PCDHGC4: variants seen among roughly 807,000 people sequenced by gnomAD.
The protein encoded by PCDHGC4 is protocadherin gamma-C4.
A neutral mutation model predicts 59.7 loss-of-function variants in PCDHGC4; 15 were observed. That is an observed-to-expected ratio of 0.25 (90% CI 0.17 to 0.39). The LOEUF is 0.39. Among genes scored for constraint, PCDHGC4 ranks in the 10% least tolerant of loss-of-function variants. The probability of loss-of-function intolerance (pLI) is 1.00; values close to 1 mark genes in which losing one functional copy is unlikely to be tolerated. For synonymous variants in PCDHGC4, 434 were observed against 481.4 expected (o/e 0.90, Z 1.29); for missense variants, 1,016 against 1,189.5 (o/e 0.85, Z 2.15).
At chr5:141,510,447 C>T (rs1270073364) in intron 3 of PCDHGC4, among the ~76,000 whole-genome samples, 1 of 152,026 alleles carries the variant, frequency 6.6e-6, no homozygotes, top group Non-Finnish European at 1.5e-5. Flanking sequence ...CTCCAGGAGC[C>T]CATGGTCTAG....
At chr5:141,500,167 A>C (rs976308963) in intron 2 of PCDHGC4, among the ~76,000 whole-genome samples, 1 of 150,656 alleles carries the variant, frequency 6.6e-6, no homozygotes, top group African/African-American at 2.4e-5. Context: ...AAGAACATGC[A>C]TGAGCTTCAT....
chr5:141,501,314 C>G, intron 2 of PCDHGC4, among the ~76,000 whole-genome samples: 1 of 151,728 alleles, frequency 6.6e-6, no homozygotes, highest in Non-Finnish European at 1.5e-5. Flanking sequence ...CACACACACA[C>G]ACACACACAC....
At chr5:141,498,796 G>C (rs1160540093) in intron 2 of PCDHGC4, among the ~76,000 whole-genome samples, 1 of 152,032 alleles carries the variant, frequency 6.6e-6, no homozygotes, top group African/African-American at 2.4e-5. Context: ...AGCCAGGTGT[G>C]GTGGTGCACA....
chr5:141,505,891 G>A (rs541853565), intron 3 of PCDHGC4, among the ~76,000 whole-genome samples: 9 of 152,288 alleles, frequency 5.9e-5, no homozygotes, highest in Admixed American at 5.9e-4. Context: ...GATTAAATGA[G>A]ATGATACCAC....
chr5:141,490,321 G>C lies in PCDHGC4; in HGVS notation c.2442+2706G>C. On this transcript the variant is annotated intron_variant, in intron 1 of 3. Coordinates refer to ENST00000306593, the MANE Select transcript of PCDHGC4 (RefSeq NM_018928.3). The surrounding 1 kb of genome is among the most constrained non-coding windows in gnomAD (Gnocchi z 5.4). ...GGCCTCTTTGGCCAACCCTGTCCTA[G>C]AGAGCACACCAGTGGGCACAGTAGT... 1.2e-6 allele frequency: 2 copies of C among 1,614,220 alleles called. No homozygotes were observed. The highest frequency in any genetic ancestry group is 1.7e-6 in the Non-Finnish European group (2 of 1,180,044).
In PCDHGC4 at chr5:141,490,023, G is replaced by A. The variant is rs1306715385; in HGVS notation, c.2442+2408G>A. The A allele has an allele frequency of 1.2e-6, 2 of 1,614,134 alleles. No homozygotes were observed. Among genetic ancestry groups the A allele is most frequent in the Non-Finnish European group, 1.7e-6 (2 of 1,180,060 alleles). On this transcript the variant is annotated intron_variant, in intron 1 of 3. Transcript: ENST00000306593. This position sits in a 1 kb window ranked among gnomAD's most constrained non-coding sequence, Gnocchi z 5.4. ...AGAATGCACCCATTGGTACTCTGCT[G>A]CTCCGCCTCAATGCCACTGATCCAG... is the stretch of plus-strand genomic sequence containing the variant.
At chr5:141,503,099 C>T (rs1286557930) in intron 2 of PCDHGC4, among the ~76,000 whole-genome samples, 1 of 151,884 alleles carries the variant, frequency 6.6e-6, no homozygotes, top group Non-Finnish European at 1.5e-5. Context: ...GTGGTCTGCC[C>T]GCCCCTGCCT....
chr5:141,509,663 G>A (rs933532930), intron 3 of PCDHGC4, among the ~76,000 whole-genome samples: 1 of 152,140 alleles, frequency 6.6e-6, no homozygotes, highest in Non-Finnish European at 1.5e-5. Context: ...ACTTCTCTGG[G>A]CCCCAGTTTC....
chr5:141,491,855 G>A lies in PCDHGC4; in HGVS notation c.2443-2952G>A. ...TTCTCGGGATCATTGGACCGTTTGC[G>A]CGAAACCAGAGTGGCCGATTAAGGG... On this transcript the variant is annotated intron_variant, in intron 1 of 3. Coordinates refer to ENST00000306593, the MANE Select transcript of PCDHGC4 (RefSeq NM_018928.3). The surrounding 1 kb of genome is among the most constrained non-coding windows in gnomAD (Gnocchi z 6.9). The A allele has an allele frequency of 2.7e-6, 4 of 1,459,380 alleles. No individual in the cohort carries two copies. The highest frequency in any genetic ancestry group is 3.6e-6 in the Non-Finnish European group (4 of 1,103,492). The allele number at this position is 1,459,380 out of a possible 1,614,324, so 90.4% of individuals were successfully genotyped here. A position where few individuals can be genotyped will look rare whatever the true frequency, so the allele number is the denominator to read the frequency against.
rs369886570 is a variant in PCDHGC4 at position 141,487,839 on chromosome 5, G to A, written c.2442+224G>A. ...GGGGGCGGGTCATGCCTATATCTGAGTAAGAAATGAAAGTAATTGGTGATC... is the reference window on the plus strand; with the variant it reads ...GGGGGCGGGTCATGCCTATATCTGAATAAGAAATGAAAGTAATTGGTGATC... On this transcript the variant is annotated intron_variant, in intron 1 of 3. Transcript: ENST00000306593. The surrounding 1 kb of genome is among the most constrained non-coding windows in gnomAD (Gnocchi z 5.0). The A allele has an allele frequency of 2.7e-6, 3 of 1,103,412 alleles. No homozygotes were observed. Among genetic ancestry groups the A allele is most frequent in the African/African-American group, 1.6e-5 (1 of 63,054 alleles). The allele number at this position is 1,103,412 out of a possible 1,614,324, so 68.4% of individuals were successfully genotyped here.
In PCDHGC4 at chr5:141,489,163, C is replaced by T. The variant is rs2099683398; in HGVS notation, c.2442+1548C>T. 1 of 1,060,592 alleles carries T rather than the reference C, an allele frequency of 9.4e-7. No individual in the cohort carries two copies. Among genetic ancestry groups the T allele is most frequent in the Admixed American group, 2.4e-5 (1 of 41,724 alleles). The allele number at this position is 1,060,592 out of a possible 1,614,324, so 65.7% of individuals were successfully genotyped here. On this transcript the variant is annotated intron_variant, in intron 1 of 3. Coordinates refer to ENST00000306593, the MANE Select transcript of PCDHGC4 (RefSeq NM_018928.3). This position sits in a 1 kb window ranked among gnomAD's most constrained non-coding sequence, Gnocchi z 4.5. ...TGGAAGGAGACATAAGAGACTTCAGCTGCTGCATTCCAAGCCCTGGGTCTA... is the reference window on the plus strand; with the variant it reads ...TGGAAGGAGACATAAGAGACTTCAGTTGCTGCATTCCAAGCCCTGGGTCTA...
At position 141,492,138 on chromosome 5, in the gene PCDHGC4, T is replaced by C. The variant is rs577884713; in HGVS notation, c.2443-2669T>C. ...ATTTCTCCCCAGCTCCCAGCATCTG[T>C]GACTTCACTGTTACCCTCCCTATCC... On this transcript the variant is annotated intron_variant, in intron 1 of 3. Coordinates refer to ENST00000306593, the MANE Select transcript of PCDHGC4 (RefSeq NM_018928.3). 2.4e-3 allele frequency among the ~76,000 whole-genome samples: 366 copies of C among 152,312 alleles called. 1 individual carries two copies. Among genetic ancestry groups the C allele is most frequent in the Non-Finnish European group, 3.5e-3 (238 of 68,014 alleles).
chr5:141,487,516 G>A lies in PCDHGC4; in HGVS notation c.2343G>A (p.Arg781=), dbSNP rs2099648095. Residue 781 remains arginine (R), a synonymous_variant, in exon 1 of 4, where the codon CGG becomes CGA. Coordinates refer to ENST00000306593, the MANE Select transcript of PCDHGC4 (RefSeq NM_018928.3). The surrounding 1 kb of genome is among the most constrained non-coding windows in gnomAD (Gnocchi z 5.0). ...CACCCTTGGCTTCTGCACCCACTCG[G>A]AGTGATAGCTTCATGATGGTGAAGT... The part of the protein sequence containing the change: ...GCTPLASAPT[R]SDSFMMVKSP... 6.2e-7 allele frequency: 1 copy of A among 1,614,078 alleles called. No individual in the cohort carries two copies. The highest frequency in any genetic ancestry group is 1.7e-5 in the Admixed American group (1 of 60,010).
Position 141,491,795 on chromosome 5 carries a change from C to T in PCDHGC4, c.2443-3012C>T. On this transcript the variant is annotated intron_variant, in intron 1 of 3. Coordinates refer to ENST00000306593, the MANE Select transcript of PCDHGC4 (RefSeq NM_018928.3). This position sits in a 1 kb window ranked among gnomAD's most constrained non-coding sequence, Gnocchi z 6.9. ...GGATTGAACTTGCATCCACTCCTCT[C>T]CGGCCGGCTTGGTCGCTGGCTGCGC... 6 of 1,511,694 alleles carry T rather than the reference C, an allele frequency of 4.0e-6. No individual in the cohort carries two copies. Among genetic ancestry groups the T allele is most frequent in the Non-Finnish European group, 5.3e-6 (6 of 1,130,430 alleles). 93.6% of individuals were successfully genotyped at this position (1,511,694 alleles called of 1,614,324 possible).
Position 141,491,964 on chromosome 5 carries a change from C to A in PCDHGC4, c.2443-2843C>A. On this transcript the variant is annotated intron_variant, in intron 1 of 3. Transcript: ENST00000306593. The surrounding 1 kb of genome is among the most constrained non-coding windows in gnomAD (Gnocchi z 6.9). ...CCCCACCCCTACACTCAAAAAAGGC[C>A]GGGGCCTCCTTCGAGCTTCCGGTGA... The A allele has an allele frequency of 1.1e-6, 1 of 943,952 alleles. No homozygotes were observed. The highest frequency in any genetic ancestry group is 1.5e-6 in the Non-Finnish European group (1 of 671,094). 58.5% of individuals were successfully genotyped at this position (943,952 alleles called of 1,614,324 possible). A position where few individuals can be genotyped will look rare whatever the true frequency, so the allele number is the denominator to read the frequency against.
chr5:141,504,786 C>T (rs568185327), intron 2 of PCDHGC4, among the ~76,000 whole-genome samples: 1 of 152,132 alleles, frequency 6.6e-6, no homozygotes, highest in Non-Finnish European at 1.5e-5. Flanking sequence ...TCTCTTGGGG[C>T]CTCCTACATC....
In PCDHGC4 at chr5:141,491,786, C is replaced by T; in HGVS notation, c.2443-3021C>T. The stretch of plus-strand genomic sequence containing the variant: ...CCTCATAAGGGATTGAACTTGCATC[C>T]ACTCCTCTCCGGCCGGCTTGGTCGC... On this transcript the variant is annotated intron_variant, in intron 1 of 3. Coordinates refer to ENST00000306593, the MANE Select transcript of PCDHGC4 (RefSeq NM_018928.3). This position sits in a 1 kb window ranked among gnomAD's most constrained non-coding sequence, Gnocchi z 6.9. The T allele has an allele frequency of 1.3e-6, 2 of 1,529,640 alleles. No individual in the cohort carries two copies. The highest frequency in any genetic ancestry group is 2.5e-5 in the South Asian group (2 of 80,832). The allele number at this position is 1,529,640 out of a possible 1,614,324, so 94.8% of individuals were successfully genotyped here.
chr5:141,498,684 C>T (rs1255085852), intron 2 of PCDHGC4, among the ~76,000 whole-genome samples: 1 of 152,192 alleles, frequency 6.6e-6, no homozygotes, highest in South Asian at 2.1e-4. Flanking sequence ...GTAATCCCAG[C>T]ACTTTGGGAG....
At position 141,485,704 on chromosome 5, in the gene PCDHGC4, CTT is replaced by C; in HGVS notation, c.533_534del (p.Phe178CysfsTer72). On this transcript the variant is annotated frameshift_variant, in exon 1 of 4. Coordinates refer to ENST00000306593, the MANE Select transcript of PCDHGC4 (RefSeq NM_018928.3). LOFTEE classifies it high-confidence loss of function. The surrounding 1 kb of genome is among the most constrained non-coding windows in gnomAD (Gnocchi z 5.7). ...GCTATAGGCTGAGCTCCAATGAACA[CTT>C]TGCACTGGATGTGAAGAAGCGCAGC... is the stretch of plus-strand genomic sequence containing the variant. ...SSYRLSSNEH[F>X]ALDVKKRSDG... 6.2e-7 allele frequency: 1 copy of C among 1,614,180 alleles called. No homozygotes were observed. The highest frequency in any genetic ancestry group is 8.5e-7 in the Non-Finnish European group (1 of 1,180,032).
Sources: allele counts gnomAD v4.1 joint callset (sites outside exome capture counted in the v4.1 genomes callset), GRCh38; gene constraint gnomAD v4.1.1; non-coding constraint Gnocchi (gnomAD v3.1); transcripts MANE v1.5; gene names NCBI Gene and HGNC (gene_info 2026-07-23, HGNC 2026-07-21).